DLG2: variants seen among roughly 807,000 people sequenced by gnomAD.
The protein encoded by DLG2 is disks large homolog 2.
In DLG2, 45 loss-of-function variants were observed where a neutral mutation model predicts 132.5. That is an observed-to-expected ratio of 0.34 (90% CI 0.27 to 0.44). DLG2 has a LOEUF of 0.44. DLG2 is among the 20% of genes least tolerant of loss of function. The probability of loss-of-function intolerance (pLI) is 1.00; values close to 1 mark genes in which losing one functional copy is unlikely to be tolerated. For missense variants in DLG2, 1,045 were observed against 1,196.9 expected (o/e 0.87, Z 1.87); for synonymous variants, 424 against 419.6 (o/e 1.01, Z -0.13).
At chr11:84,520,343 A>G (rs1231234061) in intron 7 of DLG2, among the ~76,000 whole-genome samples, 2 of 152,130 alleles carry the variant, frequency 1.3e-5, no homozygotes, top group African/African-American at 4.8e-5. Context: ...CCCATTTGAC[A>G]TGGTTTTAAT....
chr11:85,483,330 A>G (rs2093343728), intron 3 of DLG2, among the ~76,000 whole-genome samples: 1 of 152,230 alleles, frequency 6.6e-6, no homozygotes, highest in Non-Finnish European at 1.5e-5. Context: ...GAAGTGTAAA[A>G]AATTTTTTTT....
intron 16 of DLG2, among the ~76,000 whole-genome samples, chr11:83,867,721 T>C (rs2062665549): frequency 6.6e-6 from 1 of 152,172 alleles, no homozygotes. Flanking sequence ...TTTTACACAG[T>C]TGTTATTTGA....
chr11:84,097,286 GAGTC>G (rs2097178655), intron 10 of DLG2, among the ~76,000 whole-genome samples: 1 of 152,072 alleles, frequency 6.6e-6, no homozygotes. Context: ...GAATCCTGCT[GAGTC>G]AGTTTATGAA....
intron 15 of DLG2, among the ~76,000 whole-genome samples, chr11:83,885,545 C>T (rs865990747): frequency 2.6e-5 from 4 of 152,202 alleles, no homozygotes; most frequent in Admixed American, 2.0e-4. Flanking sequence ...TCCAGGAGAA[C>T]TTCCCCAATC....
Position 84,939,474 on chromosome 11 carries a change from G to A in DLG2, c.357+172187C>T, listed in dbSNP as rs11234246. On this transcript the variant is annotated intron_variant, in intron 6 of 27. Coordinates refer to ENST00000376104, the MANE Select transcript of DLG2 (RefSeq NM_001142699.3). ...CTGTTGACTGCAATAATTCCATTGT[G>A]TTATCAAATACTAGATCTTATTCAT... 7.2e-3 allele frequency among the ~76,000 whole-genome samples: 1,096 copies of A among 152,000 alleles called. 5 individuals carry two copies. The highest frequency in any genetic ancestry group is 0.02 in the South Asian group (97 of 4,810).
At chr11:83,833,592 A>C in intron 17 of DLG2, 22 bp downstream of exon 17, 5 of 1,600,280 alleles carry the variant, frequency 3.1e-6, no homozygotes, top group Non-Finnish European at 3.4e-6. Context: ...GGAGGGAATA[A>C]AGATTAAAGA....
chr11:84,177,201 T>C (rs2095995291), intron 8 of DLG2, among the ~76,000 whole-genome samples: 1 of 152,124 alleles, frequency 6.6e-6, no homozygotes, highest in African/African-American at 2.4e-5. Flanking sequence ...ATGGTCTTGC[T>C]TGCCAAGTTT....
intron 18 of DLG2, among the ~76,000 whole-genome samples, chr11:83,673,642 A>T (rs1362202798): frequency 6.6e-6 from 1 of 152,192 alleles, no homozygotes; most frequent in East Asian, 1.9e-4. Context: ...ATACATCTTC[A>T]TATTCACCAT....
At chr11:83,724,959 C>T in intron 18 of DLG2, 1 of 701,914 alleles carries the variant, frequency 1.4e-6, no homozygotes, top group South Asian at 1.5e-5. Flanking sequence ...GGTGTATAAA[C>T]TCCGCCTGGC....
chr11:83,593,222 T>C (rs1280968877), intron 19 of DLG2, among the ~76,000 whole-genome samples: 1 of 147,888 alleles, frequency 6.8e-6, no homozygotes, highest in Non-Finnish European at 1.5e-5. Context: ...TTATTCACAA[T>C]AGCAAAGACT....
intron 6 of DLG2, among the ~76,000 whole-genome samples, chr11:84,851,858 A>AT (rs2082206591): frequency 6.6e-6 from 1 of 151,796 alleles, no homozygotes; most frequent in Admixed American, 6.6e-5. Context: ...AATGATATAG[A>AT]TTTTTATTAT....
At chr11:83,937,274 G>A (rs764992355) in intron 14 of DLG2, among the ~76,000 whole-genome samples, 41 of 151,948 alleles carry the variant, frequency 2.7e-4, no homozygotes, top group Non-Finnish European at 4.3e-4. Context: ...TTGGGAGGCC[G>A]AGGTGGGCGG....
rs139297326 is a variant in DLG2 at position 83,555,597 on chromosome 11, T to C, written c.1941-13739A>G. On this transcript the variant is annotated intron_variant, in intron 19 of 27. Transcript: ENST00000376104. ...AAATCTATGGGCAATGTTTTCAAAATTTTATTACCAGAATATATCATTTTT... is the reference window on the plus strand; with the variant it reads ...AAATCTATGGGCAATGTTTTCAAAACTTTATTACCAGAATATATCATTTTT... 9.4e-4 allele frequency among the ~76,000 whole-genome samples: 139 copies of C among 147,772 alleles called. 2 individuals carry two copies. In the South Asian group the frequency reaches 0.029, roughly 31 times the overall value.
chr11:85,562,482 G>A (rs1271705275), intron 3 of DLG2, among the ~76,000 whole-genome samples: 1 of 151,646 alleles, frequency 6.6e-6, no homozygotes, highest in Non-Finnish European at 1.5e-5. Flanking sequence ...TAAAGTATTA[G>A]TATCTTCAAT....
intron 6 of DLG2, among the ~76,000 whole-genome samples, chr11:84,752,977 A>T (rs2066371990): frequency 6.6e-6 from 1 of 152,092 alleles, no homozygotes; most frequent in African/African-American, 2.4e-5. Context: ...ATTGTTGGAC[A>T]TTTGGGTTGG....
At chr11:85,178,336 T>C (rs2079456243) in intron 4 of DLG2, among the ~76,000 whole-genome samples, 1 of 152,004 alleles carries the variant, frequency 6.6e-6, no homozygotes, top group Non-Finnish European at 1.5e-5. Flanking sequence ...AACACAAATA[T>C]AGTAAATGTT....
At chr11:84,808,260 A>T (rs978089335) in intron 6 of DLG2, among the ~76,000 whole-genome samples, 1 of 152,134 alleles carries the variant, frequency 6.6e-6, no homozygotes, top group Non-Finnish European at 1.5e-5. Context: ...TCTCAAGGCA[A>T]ATTAAAAAAT....
rs535957865 is a variant in DLG2, at chr11:83,603,624, G to C, written c.1940+29587C>G. On this transcript the variant is annotated intron_variant, in intron 19 of 27. Transcript: ENST00000376104. Reference sequence around the variant, plus strand: ...GACACAGTGGATGAGAATTCTAACAGTTTCATATCCTCTCTAACACTTGAA... The same window carrying C: ...GACACAGTGGATGAGAATTCTAACACTTTCATATCCTCTCTAACACTTGAA... 7.9e-5 allele frequency among the ~76,000 whole-genome samples: 10 copies of C among 125,974 alleles called. No homozygotes were observed. In the South Asian group the frequency reaches 2.6e-3, roughly 33 times the overall value. The allele number at this position is 125,974 out of a possible 152,430, so 82.6% of individuals were successfully genotyped here.
intron 18 of DLG2, among the ~76,000 whole-genome samples, chr11:83,743,443 T>TC (rs1263568718): frequency 4.3e-5 from 6 of 140,396 alleles, no homozygotes; most frequent in South Asian, 2.2e-4. Flanking sequence ...TTTTTTTTTT[T>TC]TTTTTTATGA....
Sources: gnomAD v4.1 joint callset for allele counts (sites outside exome capture counted in the v4.1 genomes callset) on GRCh38, gnomAD v4.1.1 for gene constraint, MANE v1.5 for transcripts, NCBI Gene and HGNC (gene_info 2026-07-23, HGNC 2026-07-21) for gene names.